CUL5: variants seen among roughly 807,000 people sequenced by gnomAD.
CUL5 encodes the protein cullin-5.
CUL5 carries 26 observed loss-of-function variants against 108.8 expected under a neutral mutation model. That is an observed-to-expected ratio of 0.24 (90% CI 0.18 to 0.33). The LOEUF (loss-of-function observed/expected upper bound fraction) is 0.33, where lower values mean the gene tolerates loss of function less well. Ranked by LOEUF, CUL5 falls within the 10% of genes least tolerant of loss-of-function variation. CUL5 has a pLI of 1.00. For synonymous variants in CUL5, 334 were observed against 298.0 expected (o/e 1.12, Z -1.25); for missense variants, 524 against 909.2 (o/e 0.58, Z 5.45).
chr11:108,045,109 G>C (rs1291913422), intron 2 of CUL5, among the ~76,000 whole-genome samples: 1 of 152,126 alleles, frequency 6.6e-6, no homozygotes, highest in Non-Finnish European at 1.5e-5. Context: ...TGCTGTACTA[G>C]TATTAAATAT....
intron 1 of CUL5, among the ~76,000 whole-genome samples, chr11:108,012,896 C>T (rs989437234): frequency 2.0e-5 from 3 of 152,186 alleles, no homozygotes; most frequent in Non-Finnish European, 4.4e-5. Context: ...TGCACTCTGC[C>T]TCCTCATACA....
intron 2 of CUL5, among the ~76,000 whole-genome samples, chr11:108,043,039 A>G (rs1294354640): frequency 2.6e-5 from 4 of 152,090 alleles, no homozygotes; most frequent in African/African-American, 9.7e-5. Context: ...CTAGGATTAA[A>G]GGCATGAGCC....
intron 9 of CUL5, among the ~76,000 whole-genome samples, 160 bp from the exon 10 acceptor site, chr11:108,073,227 AAAG>A (rs1301164248): frequency 1.6e-4 from 24 of 151,966 alleles, no homozygotes; most frequent in Admixed American, 1.3e-3. Flanking sequence ...AAGAAAGAAA[AAAG>A]AAGTGGCAAA....
intron 2 of CUL5, among the ~76,000 whole-genome samples, chr11:108,035,246 G>T (rs1404973674): frequency 6.6e-6 from 1 of 152,178 alleles, no homozygotes; most frequent in African/African-American, 2.4e-5. Flanking sequence ...ACAGCTTTTG[G>T]TAGGAACCAC....
At position 108,009,212 on chromosome 11, in the gene CUL5, G is replaced by C. The variant is rs1165962051; in HGVS notation, c.-137G>C. The C allele has an allele frequency of 1.2e-6, 1 of 846,026 alleles. No homozygotes were observed. The highest frequency in any genetic ancestry group is 1.7e-5 in the African/African-American group (1 of 58,830). The allele number at this position is 846,026 out of a possible 1,614,324, so 52.4% of individuals were successfully genotyped here. A position where few individuals can be genotyped will look rare whatever the true frequency, so the allele number is the denominator to read the frequency against. ...GGGACGAGGTCAGCGCTGTCGGCGC[G>C]CTGCTCCAGCGCCCACCACACCCTG... is the stretch of plus-strand genomic sequence containing the variant. On this transcript the variant is annotated 5_prime_UTR_variant, in exon 1 of 19. Transcript: ENST00000393094.
intron 7 of CUL5, among the ~76,000 whole-genome samples, chr11:108,068,317 TTG>T: frequency 6.6e-6 from 1 of 152,062 alleles, no homozygotes; most frequent in Non-Finnish European, 1.5e-5. Context: ...ACCTTTTTTT[TTG>T]TTTTGTTTTG....
At chr11:108,034,689 G>C (rs1862685212) in intron 2 of CUL5, among the ~76,000 whole-genome samples, 1 of 152,150 alleles carries the variant, frequency 6.6e-6, no homozygotes, top group Non-Finnish European at 1.5e-5. Flanking sequence ...AATCATTAAT[G>C]TCCTCCTCCT....
chr11:108,064,699 TACTC>T (rs892014949), intron 7 of CUL5, among the ~76,000 whole-genome samples: 3 of 152,114 alleles, frequency 2.0e-5, no homozygotes, highest in Admixed American at 2.0e-4. Flanking sequence ...AACAGAGTGA[TACTC>T]TGTCTCAAAA....
At chr11:108,025,165 A>G (rs562859502) in intron 1 of CUL5, among the ~76,000 whole-genome samples, 1 of 152,314 alleles carries the variant, frequency 6.6e-6, no homozygotes, top group African/African-American at 2.4e-5. Context: ...AAATATTTCT[A>G]TGATGTTCAT....
chr11:108,036,464 C>G (rs1027777135), intron 2 of CUL5, among the ~76,000 whole-genome samples: 1 of 152,016 alleles, frequency 6.6e-6, no homozygotes, highest in Non-Finnish European at 1.5e-5. Context: ...CTTTCAACCC[C>G]CCACTTTACT....
chr11:108,050,257 T>A (rs1376020709), intron 4 of CUL5, among the ~76,000 whole-genome samples, 191 bp downstream of exon 4: 1 of 152,198 alleles, frequency 6.6e-6, no homozygotes, highest in Non-Finnish European at 1.5e-5. Context: ...CATCTTTTTA[T>A]GTGGTCTTAA....
chr11:108,057,268 T>A (rs1863405541), intron 7 of CUL5, among the ~76,000 whole-genome samples: 1 of 152,142 alleles, frequency 6.6e-6, no homozygotes. Context: ...GCTCGAGCAG[T>A]TCTCCCACCT....
At chr11:108,047,259 G>A (rs566472287) in intron 3 of CUL5, among the ~76,000 whole-genome samples, 15 of 152,208 alleles carry the variant, frequency 9.9e-5, no homozygotes, top group Middle Eastern at 3.4e-3. Flanking sequence ...TGAGGCTGCC[G>A]TGAGCCGTGA....
intron 1 of CUL5, among the ~76,000 whole-genome samples, chr11:108,015,015 C>A (rs1337241652): frequency 6.6e-6 from 1 of 152,198 alleles, no homozygotes; most frequent in Non-Finnish European, 1.5e-5. Flanking sequence ...TCTCCTTCCT[C>A]AGCCTCCCGA....
chr11:108,038,233 T>C (rs1158907845), intron 2 of CUL5, among the ~76,000 whole-genome samples: 1 of 151,964 alleles, frequency 6.6e-6, no homozygotes, highest in African/African-American at 2.4e-5. Context: ...AATGTTGTTT[T>C]TGCCAGTCTG....
intron 7 of CUL5, among the ~76,000 whole-genome samples, chr11:108,066,452 T>G (rs1421163789): frequency 6.6e-6 from 1 of 152,226 alleles, no homozygotes; most frequent in Non-Finnish European, 1.5e-5. Context: ...AGAGTCACTC[T>G]ACTCCAATAA....
intron 11 of CUL5, 52 bp downstream of exon 11, chr11:108,078,292 A>T (rs1863989759): frequency 9.5e-7 from 1 of 1,053,788 alleles, no homozygotes; most frequent in South Asian, 1.5e-5. Flanking sequence ...CTTTAGTGTA[A>T]TAGGGGTTAA....
intron 13 of CUL5, among the ~76,000 whole-genome samples, chr11:108,092,022 A>G (rs1864374743): frequency 6.6e-6 from 1 of 152,212 alleles, no homozygotes; most frequent in Non-Finnish European, 1.5e-5. Flanking sequence ...CTGTGGTTCT[A>G]GCTACTCAGG....
chr11:108,047,827 A>G lies in CUL5; in HGVS notation c.234+1458A>G, dbSNP rs77214373. ...TTTTATGACTTGATAAAGATAAATTATGTTTATTTCAGATAGATAGAGCTT... is the reference window on the plus strand; with the variant it reads ...TTTTATGACTTGATAAAGATAAATTGTGTTTATTTCAGATAGATAGAGCTT... On this transcript the variant is annotated intron_variant, in intron 3 of 18. Transcript: ENST00000393094. Among the ~76,000 whole-genome samples the G allele has an allele frequency of 5.1e-3, 780 of 152,336 alleles. 12 individuals are homozygous for G. The highest frequency in any genetic ancestry group is 0.018 in the African/African-American group (746 of 41,576).
Sources: allele counts gnomAD v4.1 joint callset (sites outside exome capture counted in the v4.1 genomes callset), GRCh38; gene constraint gnomAD v4.1.1; transcripts MANE v1.5; gene names NCBI Gene and HGNC (gene_info 2026-07-23, HGNC 2026-07-21).